NELL1: variants seen among roughly 807,000 people sequenced by gnomAD.
The protein encoded by NELL1 is neural EGFL like 1.
In NELL1, 76 loss-of-function variants were observed where a neutral mutation model predicts 107.4. The observed-to-expected ratio is 0.71, with a 90% CI of 0.59 to 0.86. The LOEUF (loss-of-function observed/expected upper bound fraction) is 0.86. NELL1 is among the 40% of genes least tolerant of loss of function. NELL1 has a pLI of 0.00. For missense variants in NELL1, 1,024 were observed against 1,005.5 expected, an observed-to-expected ratio of 1.02 and a Z score of -0.25; for synonymous variants, 353 against 341.2, an observed-to-expected ratio of 1.03 and a Z score of -0.38.
chr11:20,929,641 GT>G (rs1442799833), intron 9 of NELL1, among the ~76,000 whole-genome samples: 1 of 152,052 alleles, frequency 6.6e-6, no homozygotes, highest in African/African-American at 2.4e-5. Context: ...CAGATTATTT[GT>G]TTTTATTCTT....
rs145883284 is a variant in NELL1 at position 21,467,399 on chromosome 11, T to C, written c.1646-66975T>C. ...GGCTCTAATACAATTATATATTTAT[T>C]GTCCTGCAGTTGCAGGAGTTGCATT... is the stretch of plus-strand genomic sequence containing the variant. On this transcript the variant is annotated intron_variant, in intron 15 of 19. Coordinates refer to ENST00000357134, the MANE Select transcript of NELL1 (RefSeq NM_006157.5). Among the ~76,000 whole-genome samples the C allele has an allele frequency of 4.9e-3, 748 of 152,218 alleles. 4 individuals are homozygous for C. Among genetic ancestry groups the C allele is most frequent in the Middle Eastern group, 0.034 (10 of 294 alleles).
chr11:21,439,345 G>A (rs984060497), intron 15 of NELL1, among the ~76,000 whole-genome samples: 5 of 152,216 alleles, frequency 3.3e-5, no homozygotes, highest in South Asian at 4.1e-4. Flanking sequence ...TGTACCCAGA[G>A]AACAAGGAAA....
chr11:20,877,122 T>C (rs1363398542), intron 4 of NELL1, among the ~76,000 whole-genome samples: 3 of 152,202 alleles, frequency 2.0e-5, no homozygotes, highest in Non-Finnish European at 4.4e-5. Flanking sequence ...AATGAACTTA[T>C]GTTCTGTATA....
intron 1 of NELL1, among the ~76,000 whole-genome samples, chr11:20,674,142 C>T (rs959107655): frequency 5.3e-5 from 8 of 152,152 alleles, no homozygotes; most frequent in South Asian, 2.1e-4. Flanking sequence ...TTTTGAGTTG[C>T]GGGCAGGGAG....
chr11:20,789,461 C>T (rs1857033129), intron 3 of NELL1, among the ~76,000 whole-genome samples: 1 of 152,228 alleles, frequency 6.6e-6, no homozygotes, highest in African/African-American at 2.4e-5. Flanking sequence ...CCAGGAACTG[C>T]AAGGCCCCAA....
At chr11:21,099,192 AACACACACACACAC>A (rs59848133) in intron 12 of NELL1, among the ~76,000 whole-genome samples, 1,898 of 141,950 alleles carry the variant, frequency 0.013, 41 homozygotes, top group African/African-American at 0.047. Context: ...GACACTGAAC[AACACACACACACAC>A]ACACACACAC....
intron 2 of NELL1, among the ~76,000 whole-genome samples, chr11:20,749,587 A>G (rs75398347): frequency 6.6e-6 from 1 of 152,040 alleles, no homozygotes; most frequent in Non-Finnish European, 1.5e-5. Context: ...GGTGACAGAG[A>G]AAGACCCTTT....
intron 15 of NELL1, among the ~76,000 whole-genome samples, chr11:21,461,971 G>T (rs137991832): frequency 2.0e-5 from 3 of 152,080 alleles, no homozygotes; most frequent in African/African-American, 7.2e-5. Flanking sequence ...AGAGCCAAAT[G>T]CAAGAGCAGT....
intron 2 of NELL1, among the ~76,000 whole-genome samples, chr11:20,743,889 T>C (rs993858707): frequency 1.1e-4 from 17 of 152,270 alleles, no homozygotes; most frequent in African/African-American, 3.6e-4. Flanking sequence ...TCCACTCTCC[T>C]CACCACTCTG....
intron 4 of NELL1, among the ~76,000 whole-genome samples, chr11:20,853,508 T>G (rs1848827570): frequency 6.6e-6 from 1 of 152,214 alleles, no homozygotes; most frequent in Non-Finnish European, 1.5e-5. Context: ...TATGAATTCT[T>G]CTACCATAGG....
At chr11:21,110,099 T>G (rs910280299) in intron 12 of NELL1, among the ~76,000 whole-genome samples, 3 of 152,270 alleles carry the variant, frequency 2.0e-5, no homozygotes, top group African/African-American at 7.2e-5. Context: ...AGCTTTTATA[T>G]CTGGTGGTTA....
At chr11:21,349,517 T>C (rs544313990) in intron 14 of NELL1, among the ~76,000 whole-genome samples, 4 of 152,314 alleles carry the variant, frequency 2.6e-5, no homozygotes, top group Admixed American at 1.3e-4. Flanking sequence ...ATTTTAAATC[T>C]ACAATGCTTT....
intron 3 of NELL1, among the ~76,000 whole-genome samples, chr11:20,825,727 A>G (rs2082081): frequency 0.032 from 4,870 of 151,356 alleles, 305 homozygotes; most frequent in Non-Finnish European, 0.042. Flanking sequence ...TATCTCAGAT[A>G]AGAATATGGA....
intron 11 of NELL1, among the ~76,000 whole-genome samples, chr11:20,956,462 C>G (rs186098510): frequency 1.3e-5 from 2 of 151,720 alleles, no homozygotes; most frequent in Non-Finnish European, 2.9e-5. Context: ...CTGGCTATCA[C>G]GGTGAAACCC....
intron 15 of NELL1, among the ~76,000 whole-genome samples, chr11:21,505,850 TGC>T: frequency 6.6e-6 from 1 of 152,324 alleles, no homozygotes; most frequent in African/African-American, 2.4e-5. Context: ...TGTAGGCCCA[TGC>T]TTTTTCTTCA....
intron 12 of NELL1, among the ~76,000 whole-genome samples, chr11:21,099,199 A>G (rs1358668377): frequency 9.3e-6 from 1 of 107,750 alleles, no homozygotes; most frequent in East Asian, 3.0e-4. Context: ...AACAACACAC[A>G]CACACACACA....
chr11:21,166,153 T>C (rs1856476997), intron 13 of NELL1, among the ~76,000 whole-genome samples: 1 of 151,656 alleles, frequency 6.6e-6, no homozygotes, highest in African/African-American at 2.4e-5. Context: ...ATATTCTCAC[T>C]AATTTGTGGA....
At chr11:21,346,732 C>T (rs1850691514) in intron 14 of NELL1, among the ~76,000 whole-genome samples, 1 of 150,448 alleles carries the variant, frequency 6.6e-6, no homozygotes, top group Non-Finnish European at 1.5e-5. Flanking sequence ...AGATGCTTAA[C>T]AGGAAAAAAT....
chr11:21,124,731 A>C (rs1353191655), intron 13 of NELL1, among the ~76,000 whole-genome samples: 1 of 151,628 alleles, frequency 6.6e-6, no homozygotes, highest in African/African-American at 2.4e-5. Flanking sequence ...CCTCCCAAGT[A>C]GCTGGGATTA....
Sources: gnomAD v4.1 joint callset for allele counts (sites outside exome capture counted in the v4.1 genomes callset) on GRCh38, gnomAD v4.1.1 for gene constraint, MANE v1.5 for transcripts, NCBI Gene and HGNC (gene_info 2026-07-23, HGNC 2026-07-21) for gene names.